ALPK2: variants seen among roughly 807,000 people sequenced by gnomAD.
ALPK2 encodes alpha-protein kinase 2.
ALPK2 carries 127 observed loss-of-function variants against 163.1 expected under a neutral mutation model. The ratio of observed to expected loss-of-function variants is 0.78; its 90% CI spans 0.67 to 0.90. ALPK2 has a LOEUF of 0.90. Among genes scored for constraint, ALPK2 ranks in the 40% least tolerant of loss-of-function variants. ALPK2 has a pLI of 0.00. For missense variants in ALPK2, 2,360 were observed against 2,589.6 expected (o/e 0.91, Z 1.92); for synonymous variants, 953 against 959.1 (o/e 0.99, Z 0.12).
intron 3 of ALPK2, among the ~76,000 whole-genome samples, chr18:58,591,938 C>T (rs528813525): frequency 6.6e-6 from 1 of 152,270 alleles, no homozygotes; most frequent in South Asian, 2.1e-4. Context: ...GTGGCTGAGC[C>T]CAGATCGTGG....
At chr18:58,523,698 CGGTT>C in intron 8 of ALPK2, 104 bp downstream of exon 8, 2 of 1,391,734 alleles carry the variant, frequency 1.4e-6, no homozygotes, top group Non-Finnish European at 2.0e-6. Context: ...CTCTCCTTCT[CGGTT>C]GGAAGAGTCC....
intron 3 of ALPK2, among the ~76,000 whole-genome samples, chr18:58,583,051 C>T (rs2051967207): frequency 6.6e-6 from 1 of 152,162 alleles, no homozygotes; most frequent in Admixed American, 6.5e-5. Flanking sequence ...CGGGAAAAGA[C>T]CTGGAAAGGG....
chr18:58,573,204 G>GTGTATATGTGTATATATATC (rs2051895094), intron 4 of ALPK2, among the ~76,000 whole-genome samples: 1 of 144,766 alleles, frequency 6.9e-6, no homozygotes, highest in Non-Finnish European at 1.5e-5. Flanking sequence ...GTATATATAT[G>GTGTATATGTGTATATATATC]TGTATATATG....
intron 3 of ALPK2, among the ~76,000 whole-genome samples, chr18:58,594,315 A>C (rs1478502410): frequency 6.6e-6 from 1 of 152,208 alleles, no homozygotes; most frequent in African/African-American, 2.4e-5. Context: ...CATTACTACC[A>C]CCACGCTTAG....
At chr18:58,498,165 A>G in intron 11 of ALPK2, 68 bp from the exon 12 acceptor site, 1 of 1,465,120 alleles carries the variant, frequency 6.8e-7, no homozygotes, top group Non-Finnish European at 9.6e-7. Context: ...TGGGCCATCT[A>G]GCCCCAGGGA....
chr18:58,495,115 AG>A (rs1205619357), intron 12 of ALPK2, among the ~76,000 whole-genome samples: 1 of 152,104 alleles, frequency 6.6e-6, no homozygotes, highest in Admixed American at 6.5e-5. Context: ...TCCACTCCAG[AG>A]GGGTTCCCAG....
intron 4 of ALPK2, among the ~76,000 whole-genome samples, chr18:58,558,614 A>G (rs1221300315): frequency 6.6e-6 from 1 of 152,206 alleles, no homozygotes; most frequent in Non-Finnish European, 1.5e-5. Context: ...CCACAAAATG[A>G]TCTCGCACAT....
intron 1 of ALPK2, among the ~76,000 whole-genome samples, chr18:58,617,414 T>C (rs2052175757): frequency 6.6e-6 from 1 of 152,168 alleles, no homozygotes; most frequent in Admixed American, 6.5e-5. Flanking sequence ...CTCAAACTCC[T>C]GGCCTCAAGC....
intron 5 of ALPK2, 150 bp from the exon 6 acceptor site, chr18:58,529,388 T>G (rs1175923090): frequency 2.3e-6 from 2 of 853,686 alleles, no homozygotes; most frequent in East Asian, 5.6e-5. Context: ...AGAGGTGGCT[T>G]GCCTAAATAG....
intron 8 of ALPK2, among the ~76,000 whole-genome samples, chr18:58,517,480 A>C (rs1215906528): frequency 1.3e-5 from 2 of 152,220 alleles, no homozygotes; most frequent in African/African-American, 4.8e-5. Flanking sequence ...AGTGGAACCA[A>C]GCAAAGTAAC....
intron 1 of ALPK2, among the ~76,000 whole-genome samples, chr18:58,616,439 G>A (rs552372001): frequency 2.6e-5 from 4 of 152,292 alleles, no homozygotes; most frequent in African/African-American, 7.2e-5. Flanking sequence ...ACAGAGAAAC[G>A]AATGCCAAGA....
chr18:58,529,293 C>A (rs1167657888), intron 5 of ALPK2, 55 bp from the exon 6 acceptor site: 8 of 1,492,112 alleles, frequency 5.4e-6, no homozygotes, highest in Non-Finnish European at 7.3e-6. Flanking sequence ...CATTTCATAC[C>A]ATTTAATTCT....
chr18:58,502,182 A>AG lies in ALPK2; in HGVS notation c.6247+1748dup, dbSNP rs10660960. ...CACACACACACACACACACACACAA[A>AG]GAAAAAAAAAAGGAAAGAAAAAATT... is the stretch of plus-strand genomic sequence containing the variant. On this transcript the variant is annotated intron_variant, in intron 11 of 12. Transcript: ENST00000361673. Among the ~76,000 whole-genome samples the AG allele has an allele frequency of 7.6e-3, 1,097 of 145,138 alleles. 12 individuals are homozygous for AG. The highest frequency in any genetic ancestry group is 7.3e-3 in the African/African-American group (284 of 38,844).
At chr18:58,588,327 G>T (rs1471234311) in intron 3 of ALPK2, among the ~76,000 whole-genome samples, 1 of 152,188 alleles carries the variant, frequency 6.6e-6, no homozygotes, top group Non-Finnish European at 1.5e-5. Flanking sequence ...TTCATGCTAA[G>T]CCACCAACAG....
intron 5 of ALPK2, among the ~76,000 whole-genome samples, chr18:58,530,671 T>C (rs2051609128): frequency 6.6e-6 from 1 of 152,158 alleles, no homozygotes. Context: ...CAGAACTGAA[T>C]GATGGATGGT....
chr18:58,516,894 G>A lies in ALPK2; in HGVS notation c.5940+14C>T. 3.1e-6 allele frequency: 5 copies of A among 1,609,418 alleles called. No homozygotes were observed. Among genetic ancestry groups the A allele is most frequent in the South Asian group, 1.1e-5 (1 of 90,934 alleles). On this transcript the variant is annotated intron_variant, in intron 9 of 12. Coordinates refer to ENST00000361673, the MANE Select transcript of ALPK2 (RefSeq NM_052947.4). ...TCACACCAGAAGTGACAGCCTTTGG[G>A]CAGATGGACCCACCTGGGCAGCGAG...
chr18:58,548,468 G>A (rs2051731859), intron 4 of ALPK2, among the ~76,000 whole-genome samples: 1 of 152,046 alleles, frequency 6.6e-6, no homozygotes, highest in Admixed American at 6.6e-5. Context: ...TTACAAGCGA[G>A]TGCCACCATG....
At chr18:58,501,266 C>T (rs2051430143) in intron 11 of ALPK2, among the ~76,000 whole-genome samples, 1 of 152,246 alleles carries the variant, frequency 6.6e-6, no homozygotes, top group Non-Finnish European at 1.5e-5. Flanking sequence ...GCCCTGGGTG[C>T]TGCTTTTCAG....
chr18:58,540,306 C>T (rs567057278), intron 4 of ALPK2, among the ~76,000 whole-genome samples: 1 of 152,314 alleles, frequency 6.6e-6, no homozygotes, highest in Admixed American at 6.5e-5. Flanking sequence ...TTTGCAACAA[C>T]CCCATTTTAA....
Sources: gnomAD v4.1 joint callset for allele counts (sites outside exome capture counted in the v4.1 genomes callset) on GRCh38, gnomAD v4.1.1 for gene constraint, MANE v1.5 for transcripts, NCBI Gene and HGNC (gene_info 2026-07-23, HGNC 2026-07-21) for gene names.